Variants in ZNF556 observed in about 807,000 individuals in gnomAD.
ZNF556 encodes the protein zinc finger protein 556.
ZNF556 carries 11 observed loss-of-function variants against 13.6 expected under a neutral mutation model. The observed-to-expected ratio is 0.81, with a 90% CI of 0.51 to 1.33. The LOEUF (loss-of-function observed/expected upper bound fraction) is 1.33, where lower values mean the gene tolerates loss of function less well. ZNF556 is among the 40% of genes most tolerant of loss of function. ZNF556 has a pLI of 0.00. For missense variants in ZNF556, 633 were observed against 566.2 expected (o/e 1.12, Z -1.20); for synonymous variants, 229 against 207.8 (o/e 1.10, Z -0.88).
rs2087849621 is a variant in ZNF556 at position 2,876,169 on chromosome 19, G to A, written c.207G>A (p.Gln69=). 6.2e-7 allele frequency: 1 copy of A among 1,612,620 alleles called. No homozygotes were observed. The highest frequency in any genetic ancestry group is 2.2e-5 in the East Asian group (1 of 44,786). ...CTGGAGAAAAATTATCCCTCAAACAGAAAATAGAAAAGTTCACAAGAAAGA... is the reference window on the plus strand; with the variant it reads ...CTGGAGAAAAATTATCCCTCAAACAAAAAATAGAAAAGTTCACAAGAAAGA... ...DTSGEKLSLK[Q]KIEKFTRKNI... Residue 69 remains glutamine (Q), a synonymous_variant, in exon 3 of 4, where the codon CAG becomes CAA. Transcript: ENST00000307635.
chr19:2,874,519 C>T (rs1198916652), intron 2 of ZNF556, among the ~76,000 whole-genome samples: 5 of 151,772 alleles, frequency 3.3e-5, no homozygotes, highest in South Asian at 2.1e-4. Flanking sequence ...CCGAGGCGGG[C>T]GGATCACGAG....
At position 2,882,531 on chromosome 19, in the gene ZNF556, A is replaced by ATATATAGTGTGTGTGTGTGTGTGTGT. The variant is rs57053138; in HGVS notation, c.*4202_*4203insTATATAGTGTGTGTGTGTGTGTGTGT. 7.8e-5 allele frequency: 10 copies of ATATATAGTGTGTGTGTGTGTGTGTGT among 127,718 alleles called. No individual in the cohort carries two copies. The highest frequency in any genetic ancestry group is 2.7e-4 in the African/African-American group (9 of 32,984). The allele number at this position is 127,718 out of a possible 1,614,324, so 7.9% of individuals were successfully genotyped here. A position where few individuals can be genotyped will look rare whatever the true frequency, so the allele number is the denominator to read the frequency against. On this transcript the variant is annotated 3_prime_UTR_variant, in exon 4 of 4. Transcript: ENST00000307635. ...ATACATTTTATATATATATATATAT[A>ATATATAGTGTGTGTGTGTGTGTGTGT]GTGTGTGTGTGTGTGTGTGTGTGTG...
At chr19:2,872,727 G>A (rs1376817484) in intron 1 of ZNF556, among the ~76,000 whole-genome samples, 2 of 151,130 alleles carry the variant, frequency 1.3e-5, no homozygotes, top group African/African-American at 4.9e-5. Flanking sequence ...GCTGAGGCAG[G>A]AGAATTGCTT....
At position 2,877,759 on chromosome 19, in the gene ZNF556, C is replaced by T. The variant is rs201661601; in HGVS notation, c.801C>T (p.Ala267=). The T allele has an allele frequency of 6.8e-5, 110 of 1,613,464 alleles. No homozygotes were observed. The highest frequency in any genetic ancestry group is 3.3e-4 in the Middle Eastern group (2 of 6,084). The change falls in exon 4 of 4, where the codon GCC becomes GCT. Residue 267 remains alanine, a synonymous_variant. Transcript: ENST00000307635. Reference sequence around the variant, plus strand: ...ATGAGTGCAAGCACTGTGGGAAAGCCTTCAGGTGTCAGAAATCCTTTCGAG... The same window carrying T: ...ATGAGTGCAAGCACTGTGGGAAAGCTTTCAGGTGTCAGAAATCCTTTCGAG... ...RPYECKHCGK[A]FRCQKSFRVH...
chr19:2,868,900 G>A (rs1457481398), intron 1 of ZNF556, among the ~76,000 whole-genome samples: 1 of 151,734 alleles, frequency 6.6e-6, no homozygotes, highest in Non-Finnish European at 1.5e-5. Flanking sequence ...TGTATTTTTA[G>A]TAGAGACGGG....
At chr19:2,874,029 G>A (rs993937007) in intron 2 of ZNF556, among the ~76,000 whole-genome samples, 5 of 151,992 alleles carry the variant, frequency 3.3e-5, no homozygotes, top group African/African-American at 1.2e-4. Context: ...GGCCAAGGCG[G>A]GTGGATTGCC....
In ZNF556 at chr19:2,877,699, C is replaced by T. The variant is rs150733821; in HGVS notation, c.741C>T (p.Arg247=). The change falls in exon 4 of 4, where the codon CGC becomes CGT. Residue 247 remains arginine, a synonymous_variant. Coordinates refer to ENST00000307635, the MANE Select transcript of ZNF556 (RefSeq NM_024967.3). The stretch of plus-strand genomic sequence containing the variant: ...GCTTCAGTTGTCCCAAATCCTTTCG[C>T]GCACATGTGATGATGCACGCCGGAG... The part of the protein sequence containing the change: ...GKGFSCPKSF[R]AHVMMHAGGR... 130 of 1,613,896 alleles carry T rather than the reference C, an allele frequency of 8.1e-5. No individual in the cohort carries two copies. The highest frequency in any genetic ancestry group is 4.8e-4 in the African/African-American group (36 of 74,942).
chr19:2,869,999 C>T (rs554445599), intron 1 of ZNF556, among the ~76,000 whole-genome samples: 9 of 152,294 alleles, frequency 5.9e-5, no homozygotes, highest in South Asian at 4.1e-4. Flanking sequence ...AGCCAAGACC[C>T]GCTCCTTCCA....
At chr19:2,874,763 A>AAAG (rs1200039420) in intron 2 of ZNF556, among the ~76,000 whole-genome samples, 1 of 119,052 alleles carries the variant, frequency 8.4e-6, no homozygotes, top group African/African-American at 4.3e-5. Flanking sequence ...AAAAAAAAAG[A>AAAG]AAGAAAGAAA....
At chr19:2,871,839 C>T (rs1042143178) in intron 1 of ZNF556, among the ~76,000 whole-genome samples, 1 of 152,122 alleles carries the variant, frequency 6.6e-6, no homozygotes, top group Non-Finnish European at 1.5e-5. Context: ...CCAGGCTGCA[C>T]TGATATTTAT....
At position 2,877,871 on chromosome 19, in the gene ZNF556, C is replaced by T; in HGVS notation, c.913C>T (p.His305Tyr). The change falls in exon 4 of 4, where the codon CAC becomes TAC. Residue 305 changes from histidine (H) to tyrosine (Y), a missense_variant. Transcript: ENST00000307635. The stretch of plus-strand genomic sequence containing the variant: ...CTGCTGGGCAACATCCTTTCAACGA[C>T]ACGTGAGAATTCACAACGGGGAGAA... ...AYCWATSFQR[H>Y]VRIHNGEKPY... 6.2e-7 allele frequency: 1 copy of T among 1,614,198 alleles called. No homozygotes were observed. Among genetic ancestry groups the T allele is most frequent in the East Asian group, 2.2e-5 (1 of 44,874 alleles).
Position 2,878,275 on chromosome 19 carries a change from C to G in ZNF556, c.1317C>G (p.Ala439=). 6.2e-7 allele frequency: 1 copy of G among 1,614,156 alleles called. No homozygotes were observed. Among genetic ancestry groups the G allele is most frequent in the Non-Finnish European group, 8.5e-7 (1 of 1,180,036 alleles). The part of the protein sequence containing the change: ...KCGKAFSCPK[A]FQGHVRSHTG... ...GGAAAGCTTTCAGTTGTCCCAAAGCCTTTCAAGGTCATGTGAGAAGTCACA... is the reference window on the plus strand; with the variant it reads ...GGAAAGCTTTCAGTTGTCCCAAAGCGTTTCAAGGTCATGTGAGAAGTCACA... The change falls in exon 4 of 4, where the codon GCC becomes GCG. Residue 439 remains alanine, a synonymous_variant. Transcript: ENST00000307635.
chr19:2,877,238 G>T, intron 3 of ZNF556, 35 bp from the exon 4 acceptor site: 1 of 1,516,718 alleles, frequency 6.6e-7, no homozygotes. Context: ...AATTATTAAG[G>T]CATAAACCAT....
rs1261357189 is a variant in ZNF556, at chr19:2,882,419, C to G, written c.*4090C>G. 1.3e-5 allele frequency: 2 copies of G among 150,040 alleles called. No individual in the cohort carries two copies. The highest frequency in any genetic ancestry group is 3.0e-5 in the Non-Finnish European group (2 of 67,704). 9.3% of individuals were successfully genotyped at this position (150,040 alleles called of 1,614,324 possible). A position where few individuals can be genotyped will look rare whatever the true frequency, so the allele number is the denominator to read the frequency against. On this transcript the variant is annotated 3_prime_UTR_variant, in exon 4 of 4. Transcript: ENST00000307635. ...CTCCAGCCTGGGCGACTGAGTGGGA[C>G]TCTGTCTCAAAAAAAAAAAGAGACA...
chr19:2,868,339 A>G (rs1459980538), intron 1 of ZNF556, among the ~76,000 whole-genome samples: 3 of 152,152 alleles, frequency 2.0e-5, no homozygotes, highest in Non-Finnish European at 4.4e-5. Flanking sequence ...AATTACAAAA[A>G]CTCGCTAAAA....
At chr19:2,869,235 C>T (rs1001349642) in intron 1 of ZNF556, among the ~76,000 whole-genome samples, 9 of 152,142 alleles carry the variant, frequency 5.9e-5, no homozygotes, top group African/African-American at 1.7e-4. Flanking sequence ...CACATATTAC[C>T]GCCTACATCT....
Position 2,877,488 on chromosome 19 carries a change from G to A in ZNF556, c.530G>A (p.Cys177Tyr). ...CACTCTGGACAAAAATTATATAAAT[G>A]TAAGGAATGTGGGAAAGCCTTCAGT... ...RAHSGQKLYK[C>Y]KECGKAFSRP... is the part of the protein sequence containing the mutation. Residue 177 changes from cysteine to tyrosine, a missense_variant, in exon 4 of 4, where the codon TGT becomes TAT. By Grantham distance (194) the Cys-to-Tyr change is radical. Transcript: ENST00000307635. 6.2e-7 allele frequency: 1 copy of A among 1,614,178 alleles called. No homozygotes were observed.
At chr19:2,868,721 ATT>A (rs11456545) in intron 1 of ZNF556, among the ~76,000 whole-genome samples, 1 of 125,964 alleles carries the variant, frequency 7.9e-6, no homozygotes. Flanking sequence ...TGACTAGCTA[ATT>A]TTTTTTTTTT....
intron 2 of ZNF556, 79 bp from the exon 3 acceptor site, chr19:2,876,014 A>G (rs543748877): frequency 8.3e-7 from 1 of 1,201,546 alleles, no homozygotes; most frequent in African/African-American, 1.6e-5. Flanking sequence ...TAATGAAGTC[A>G]TGAAACAATT....
Sources: gnomAD v4.1 joint callset for allele counts (sites outside exome capture counted in the v4.1 genomes callset) on GRCh38, gnomAD v4.1.1 for gene constraint, MANE v1.5 for transcripts, NCBI Gene and HGNC (gene_info 2026-07-23, HGNC 2026-07-21) for gene names.